CSMD1: variants seen among roughly 807,000 people sequenced by gnomAD.
CSMD1 encodes the protein CUB and sushi domain-containing protein 1.
In CSMD1, 213 loss-of-function variants were observed where a neutral mutation model predicts 417.5. The observed-to-expected ratio is 0.51, with a 90% confidence interval of 0.46 to 0.57. CSMD1 has a LOEUF of 0.57. Ranked by LOEUF, CSMD1 falls within the 20% of genes least tolerant of loss-of-function variation. The pLI is 0.00. For missense variants in CSMD1, 6,923 were observed against 4,529.7 expected, an observed-to-expected ratio of 1.53 and a Z score of -15.17; for synonymous variants, 2,862 against 1,736.8, an observed-to-expected ratio of 1.65 and a Z score of -16.11.
chr8:4,719,060 G>T (rs913501213), intron 1 of CSMD1, among the ~76,000 whole-genome samples: 4 of 152,092 alleles, frequency 2.6e-5, no homozygotes, highest in African/African-American at 9.7e-5. Flanking sequence ...AGAAAAAAAA[G>T]AGAGAGAGCT....
At chr8:4,589,864 C>G (rs556947709) in intron 2 of CSMD1, among the ~76,000 whole-genome samples, 2 of 152,310 alleles carry the variant, frequency 1.3e-5, no homozygotes, top group East Asian at 3.9e-4. Context: ...TTTTCAGAAT[C>G]TATCAGGAGC....
chr8:3,514,718 G>C (rs189476406), intron 10 of CSMD1, among the ~76,000 whole-genome samples: 41 of 151,946 alleles, frequency 2.7e-4, no homozygotes, highest in Admixed American at 5.9e-4. Flanking sequence ...GCTGAACCAT[G>C]ATATTAATAC....
intron 10 of CSMD1, among the ~76,000 whole-genome samples, chr8:3,558,781 C>T (rs1799337542): frequency 6.6e-6 from 1 of 151,006 alleles, no homozygotes; most frequent in Non-Finnish European, 1.5e-5. Flanking sequence ...CCCGCGTCCA[C>T]TCCTCCAATG....
intron 52 of CSMD1, among the ~76,000 whole-genome samples, chr8:3,012,982 G>A (rs1463338414): frequency 2.0e-5 from 3 of 152,124 alleles, no homozygotes; most frequent in Admixed American, 6.6e-5. Flanking sequence ...CCCTGCACAC[G>A]CTCTCTTGCC....
At chr8:3,863,200 C>G (rs1050293941) in intron 5 of CSMD1, among the ~76,000 whole-genome samples, 2 of 151,984 alleles carry the variant, frequency 1.3e-5, no homozygotes, top group African/African-American at 4.8e-5. Flanking sequence ...AGTTTGAGAC[C>G]AGCCTGGCCA....
chr8:4,580,938 T>C (rs1004627650), intron 2 of CSMD1, among the ~76,000 whole-genome samples: 5 of 152,220 alleles, frequency 3.3e-5, no homozygotes, highest in Admixed American at 3.3e-4. Context: ...CATTTTTACA[T>C]CACTTTTAGG....
chr8:3,187,778 T>G (rs1271339556), intron 36 of CSMD1, 91 bp downstream of exon 36: 2 of 919,938 alleles, frequency 2.2e-6, no homozygotes, highest in Non-Finnish European at 3.5e-6. Context: ...GTAGGAAAAT[T>G]TCTATGTGGA....
chr8:4,019,951 C>G (rs890188840), intron 4 of CSMD1, among the ~76,000 whole-genome samples: 1 of 150,360 alleles, frequency 6.7e-6, no homozygotes, highest in Non-Finnish European at 1.5e-5. Flanking sequence ...TTAAGAGCTA[C>G]CAATATTGAG....
At chr8:3,029,751 G>C (rs529414494) in intron 50 of CSMD1, among the ~76,000 whole-genome samples, 1 of 152,056 alleles carries the variant, frequency 6.6e-6, no homozygotes, top group South Asian at 2.1e-4. Context: ...CAGTCAGACT[G>C]AACTGTAAAG....
rs1193605390 is a variant in CSMD1, at chr8:3,588,834, C to T, written c.1098-2574G>A. Among the ~76,000 whole-genome samples the T allele has an allele frequency of 2.0e-5, 3 of 152,134 alleles. No individual in the cohort carries two copies. The East Asian group carries it at 5.8e-4, about 29-fold the overall frequency. Reference sequence around the variant, plus strand: ...AAGATGCTGGAGAACAAAATACCTGCTAATGCGTTCATATCCACAAATACA... The same window carrying T: ...AAGATGCTGGAGAACAAAATACCTGTTAATGCGTTCATATCCACAAATACA... On this transcript the variant is annotated intron_variant, in intron 8 of 69. Coordinates refer to ENST00000635120, the MANE Select transcript of CSMD1 (RefSeq NM_033225.6).
intron 2 of CSMD1, among the ~76,000 whole-genome samples, chr8:4,541,438 G>C (rs1254812930): frequency 2.0e-5 from 3 of 152,144 alleles, no homozygotes; most frequent in Non-Finnish European, 4.4e-5. Flanking sequence ...GCTCCACTTG[G>C]ATCAAGGTGT....
chr8:3,680,590 C>A (rs11987069), intron 7 of CSMD1, among the ~76,000 whole-genome samples: 1,808 of 152,260 alleles, frequency 0.012, 40 homozygotes, highest in African/African-American at 0.041. Context: ...GGATTCACAG[C>A]CGATTTCTAT....
intron 10 of CSMD1, among the ~76,000 whole-genome samples, chr8:3,526,548 C>T (rs1481798588): frequency 1.3e-5 from 2 of 152,152 alleles, no homozygotes; most frequent in African/African-American, 4.8e-5. Flanking sequence ...GGGAACGGCC[C>T]CAGAGTGTCA....
At chr8:3,834,461 G>A (rs1026330108) in intron 5 of CSMD1, among the ~76,000 whole-genome samples, 4 of 152,196 alleles carry the variant, frequency 2.6e-5, no homozygotes, top group African/African-American at 9.6e-5. Context: ...GGCAGGCAGT[G>A]CTCCATGTGT....
chr8:3,412,258 G>C (rs1563362846), intron 12 of CSMD1, among the ~76,000 whole-genome samples: 3 of 151,190 alleles, frequency 2.0e-5, no homozygotes, highest in East Asian at 2.0e-4. Context: ...ATTTGGGTTG[G>C]TTCCACATTT....
chr8:3,206,469 T>G (rs1169803964), intron 30 of CSMD1, among the ~76,000 whole-genome samples: 2 of 50,054 alleles, frequency 4.0e-5, no homozygotes, highest in African/African-American at 1.5e-4. Context: ...GTGGGGGGGT[T>G]ATGTCTGTGC....
chr8:3,372,542 C>G (rs551832210), intron 18 of CSMD1, among the ~76,000 whole-genome samples: 1 of 152,220 alleles, frequency 6.6e-6, no homozygotes, highest in South Asian at 2.1e-4. Context: ...TGCCTGTGTC[C>G]TGAAGGTAGA....
chr8:3,177,910 G>C lies in CSMD1; in HGVS notation c.5725+3200C>G, dbSNP rs761833055. Among the ~76,000 whole-genome samples, 24 of 152,096 alleles carry C rather than the reference G, an allele frequency of 1.6e-4. 1 individual carries two copies. Among genetic ancestry groups the C allele is most frequent in the Admixed American group, 1.6e-3 (24 of 15,270 alleles). On this transcript the variant is annotated intron_variant, in intron 37 of 69. Coordinates refer to ENST00000635120, the MANE Select transcript of CSMD1 (RefSeq NM_033225.6). ...TATGTATTTTGTCTTGGTTTCATTG[G>C]TTTTCTTTAGAAAAGAACGCAGAAC...
intron 1 of CSMD1, among the ~76,000 whole-genome samples, chr8:4,685,531 A>C (rs1195664077): frequency 6.6e-6 from 1 of 152,000 alleles, no homozygotes; most frequent in Non-Finnish European, 1.5e-5. Context: ...AGTCGAGATC[A>C]CACCACTGCA....
Sources: allele counts gnomAD v4.1 joint callset (sites outside exome capture counted in the v4.1 genomes callset), GRCh38; gene constraint gnomAD v4.1.1; transcripts MANE v1.5; gene names NCBI Gene and HGNC (gene_info 2026-07-23, HGNC 2026-07-21).